The following PPP2R5C variants were observed in gnomAD, a reference collection of about 807,000 sequenced individuals.
PPP2R5C encodes the protein serine/threonine-protein phosphatase 2A 56 kDa regulatory subunit gamma isoform.
A neutral mutation model predicts 68.9 loss-of-function variants in PPP2R5C; 7 were observed. That is an observed-to-expected ratio of 0.10 (90% CI 0.06 to 0.19). The LOEUF (loss-of-function observed/expected upper bound fraction) is 0.19, where lower values mean the gene tolerates loss of function less well. PPP2R5C is among the 10% of genes least tolerant of loss of function. PPP2R5C has a pLI of 1.00. For synonymous variants in PPP2R5C, 210 were observed against 222.2 expected, an observed-to-expected ratio of 0.95 and a Z score of 0.49; for missense variants, 348 against 641.3, an observed-to-expected ratio of 0.54 and a Z score of 4.94.
intron 2 of PPP2R5C, among the ~76,000 whole-genome samples, chr14:101,763,187 A>G (rs1397120001): frequency 1.3e-5 from 2 of 151,580 alleles, no homozygotes; most frequent in African/African-American, 2.4e-5. Flanking sequence ...GTGCTTGCCT[A>G]TGGGGTTTGT....
At chr14:101,817,397 G>A (rs2140242338) in intron 1 of PPP2R5C, among the ~76,000 whole-genome samples, 1 of 152,292 alleles carries the variant, frequency 6.6e-6, no homozygotes, top group East Asian at 1.9e-4. Context: ...TGTTTCCTAA[G>A]CCATGAGCAG....
chr14:101,883,659 G>A lies in PPP2R5C; in HGVS notation c.629+97G>A, dbSNP rs920922248. On this transcript the variant is annotated intron_variant, in intron 5 of 13. Coordinates refer to ENST00000334743, the Ensembl canonical transcript of PPP2R5C. ...CCATCGTCTCCTCTGACAGGACTCA[G>A]CATGTGGAGGGGGTTTCTCAAAGCC... 1.0e-5 allele frequency: 15 copies of A among 1,443,102 alleles called. No homozygotes were observed. The African/African-American group carries it at 1.9e-4, about 18-fold the overall frequency. 89.4% of individuals were successfully genotyped at this position (1,443,102 alleles called of 1,614,324 possible). A position where few individuals can be genotyped will look rare whatever the true frequency, so the allele number is the denominator to read the frequency against.
Position 101,888,798 on chromosome 14 carries a change from G to A in PPP2R5C, c.630-1439G>A, listed in dbSNP as rs1466120829. On this transcript the variant is annotated intron_variant, in intron 5 of 13. Transcript: ENST00000334743. The surrounding 1 kb of genome is among the most constrained non-coding windows in gnomAD (Gnocchi z 5.6). ...GTAGAGGTGGAGTTTTGCCATGTTG[G>A]CCAGGCCCGTCTTGAACTCCTGACC... is the stretch of plus-strand genomic sequence containing the variant. Among the ~76,000 whole-genome samples, 1 of 151,932 alleles carries A rather than the reference G, an allele frequency of 6.6e-6. No homozygotes were observed. The highest frequency in any genetic ancestry group is 1.5e-5 in the Non-Finnish European group (1 of 67,978).
intron 1 of PPP2R5C, among the ~76,000 whole-genome samples, chr14:101,826,924 G>A (rs73356833): frequency 0.026 from 3,753 of 143,912 alleles, 155 homozygotes; most frequent in African/African-American, 0.091. Flanking sequence ...TTTGAATTTA[G>A]TATTCTGTTT....
intron 1 of PPP2R5C, among the ~76,000 whole-genome samples, chr14:101,850,870 C>T (rs1262880940): frequency 1.3e-5 from 2 of 152,186 alleles, no homozygotes; most frequent in Non-Finnish European, 1.5e-5. Context: ...TGCTAAGTTT[C>T]CTCATCTGGG....
chr14:101,857,470 CCTTCCTCTGTCAGTG>C (rs1336686165), intron 2 of PPP2R5C, among the ~76,000 whole-genome samples: 1 of 152,220 alleles, frequency 6.6e-6, no homozygotes, highest in Non-Finnish European at 1.5e-5. Context: ...GCTGAGAAGG[CCTTCCTCTGTCAGTG>C]CTTCCTCTGT....
intron 2 of PPP2R5C, among the ~76,000 whole-genome samples, chr14:101,777,350 A>G (rs1378805487): frequency 6.6e-6 from 1 of 151,224 alleles, no homozygotes; most frequent in Non-Finnish European, 1.5e-5. Context: ...ATGGATGGTC[A>G]TTTTTGTTTG....
At chr14:101,912,037 C>T (rs748695128) in intron 11 of PPP2R5C, among the ~76,000 whole-genome samples, 7 of 152,038 alleles carry the variant, frequency 4.6e-5, no homozygotes, top group Non-Finnish European at 7.4e-5. Flanking sequence ...AGTACTGGTC[C>T]CTTTACACTG....
At chr14:101,864,155 C>T (rs1414652979) in intron 2 of PPP2R5C, among the ~76,000 whole-genome samples, 1 of 152,144 alleles carries the variant, frequency 6.6e-6, no homozygotes, top group Non-Finnish European at 1.5e-5. Context: ...AATAAATATT[C>T]ATTCAATATG....
At chr14:101,769,123 C>A (rs955631699) in intron 2 of PPP2R5C, among the ~76,000 whole-genome samples, 4 of 152,216 alleles carry the variant, frequency 2.6e-5, no homozygotes, top group Admixed American at 2.0e-4. Flanking sequence ...TGTGCCCAGC[C>A]CCTTTCATCT....
At chr14:101,810,611 A>T (rs1423227181) in intron 1 of PPP2R5C, among the ~76,000 whole-genome samples, 1 of 152,236 alleles carries the variant, frequency 6.6e-6, no homozygotes, top group African/African-American at 2.4e-5. Flanking sequence ...ATCGTGGGTC[A>T]TCATTTTTGA....
chr14:101,853,011 G>C (rs1184265781), intron 1 of PPP2R5C, among the ~76,000 whole-genome samples: 1 of 152,106 alleles, frequency 6.6e-6, no homozygotes, highest in Non-Finnish European at 1.5e-5. Context: ...ACACTTTACT[G>C]TTACAAATCA....
Position 101,878,362 on chromosome 14 carries a change from G to GC in PPP2R5C, c.295-3798dup, listed in dbSNP as rs1307370463. On this transcript the variant is annotated intron_variant, in intron 2 of 13. Coordinates refer to ENST00000334743, the Ensembl canonical transcript of PPP2R5C. ...CAGAGCAAGCCATCTGAGTCACCTT[G>GC]CAGGCCCTCAGCTCAGCATCAAGGA... is the stretch of plus-strand genomic sequence containing the variant. 7.2e-5 allele frequency among the ~76,000 whole-genome samples: 11 copies of GC among 152,230 alleles called. No homozygotes were observed. The East Asian group carries it at 2.1e-3, about 29-fold the overall frequency.
intron 2 of PPP2R5C, among the ~76,000 whole-genome samples, chr14:101,868,711 C>T (rs904150459): frequency 7.9e-5 from 12 of 152,140 alleles, no homozygotes; most frequent in Non-Finnish European, 4.4e-5. Flanking sequence ...TACTAAGACA[C>T]CAAGGGCATT....
chr14:101,861,773 G>C (rs1374328932), intron 2 of PPP2R5C, among the ~76,000 whole-genome samples: 2 of 152,188 alleles, frequency 1.3e-5, no homozygotes, highest in African/African-American at 4.8e-5. Context: ...CCTGAAAACT[G>C]ACAGACAAAC....
At chr14:101,925,310 CT>C in exon 14 of PPP2R5C, 1 of 1,607,178 alleles carries the variant, frequency 6.2e-7, no homozygotes, top group Non-Finnish European at 8.5e-7. Flanking sequence ...CCCGCCAGTT[CT>C]TTTCCGGATT....
At chr14:101,821,860 C>A (rs549105376) in intron 1 of PPP2R5C, among the ~76,000 whole-genome samples, 138 of 151,980 alleles carry the variant, frequency 9.1e-4, no homozygotes, top group African/African-American at 3.2e-3. Flanking sequence ...GTGTGATGAC[C>A]GGGCCAGAGT....
chr14:101,856,815 A>G (rs751658395), exon 2 of PPP2R5C: 2 of 1,614,190 alleles, frequency 1.2e-6, no homozygotes, highest in Non-Finnish European at 1.7e-6. Context: ...GCTTTAAGTG[A>G]AATGGTAGAA....
upstream of PPP2R5C, chr14:101,809,894 G>C (rs1166313995): frequency 6.3e-7 from 1 of 1,587,050 alleles, no homozygotes; most frequent in Admixed American, 1.9e-5. Context: ...TAAAATGGAG[G>C]CTGGTTTCTT....
Sources: gnomAD v4.1 joint callset for allele counts (sites outside exome capture counted in the v4.1 genomes callset) on GRCh38, gnomAD v4.1.1 for gene constraint, Gnocchi (gnomAD v3.1) non-coding constraint, MANE v1.5 for transcripts, NCBI Gene and HGNC (gene_info 2026-07-23, HGNC 2026-07-21) for gene names.